The following VMP1 variants were observed in gnomAD, a reference collection of about 807,000 sequenced individuals.
VMP1 encodes vacuole membrane protein 1, also known as ectopic P-granules autophagy protein 3 homolog.
A neutral mutation model predicts 56.0 loss-of-function variants in VMP1; 11 were observed. The ratio of observed to expected loss-of-function variants is 0.20; its 90% confidence interval spans 0.12 to 0.32. The LOEUF is 0.32. Ranked by LOEUF, VMP1 falls within the 10% of genes least tolerant of loss-of-function variation. The probability of loss-of-function intolerance (pLI) is 1.00; values close to 1 mark genes in which losing one functional copy is unlikely to be tolerated. For missense variants in VMP1, 296 were observed against 490.3 expected (o/e 0.60, Z 3.74); for synonymous variants, 149 against 165.0 (o/e 0.90, Z 0.74).
chr17:59,765,300 C>G (rs562600887), intron 6 of VMP1, among the ~76,000 whole-genome samples, 162 bp downstream of exon 6: 4 of 152,330 alleles, frequency 2.6e-5, no homozygotes, highest in African/African-American at 9.6e-5. Context: ...AGAGCATCTC[C>G]TATTCATGAA....
rs2036183901 is a variant in VMP1 at position 59,765,049 on chromosome 17, C to G, written c.493C>G (p.Gln165Glu). 6.2e-7 allele frequency: 1 copy of G among 1,614,094 alleles called. No individual in the cohort carries two copies. The highest frequency in any genetic ancestry group is 8.5e-7 in the Non-Finnish European group (1 of 1,180,006). The change falls in exon 6 of 12, where the codon CAG becomes GAG. Residue 165 changes from glutamine to glutamate, a missense_variant. This residue lies in a region of VMP1 where 126 missense variants were observed against 231.6 expected (regional missense o/e 0.54). Coordinates refer to ENST00000262291, the MANE Select transcript of VMP1 (RefSeq NM_030938.5). ...TTTTCCCGAACCACCCTATCCTGATCAGATTATTTGTCCAGATGAAGAGGG... is the reference window on the plus strand; with the variant it reads ...TTTTCCCGAACCACCCTATCCTGATGAGATTATTTGTCCAGATGAAGAGGG... The part of the protein sequence containing the change: ...VNFPEPPYPD[Q>E]IICPDEEGTE...
intron 7 of VMP1, among the ~76,000 whole-genome samples, chr17:59,806,695 A>T (rs1315666260): frequency 6.7e-6 from 1 of 148,592 alleles, no homozygotes; most frequent in East Asian, 1.9e-4. Flanking sequence ...AACCTAGGCA[A>T]CAAGAGTGAA....
chr17:59,838,598 C>T (rs1200331816), intron 11 of VMP1: 3 of 567,268 alleles, frequency 5.3e-6, no homozygotes, highest in Admixed American at 6.2e-5. Context: ...TACATCTTCT[C>T]CTAAAAACAA....
intron 1 of VMP1, among the ~76,000 whole-genome samples, chr17:59,723,395 C>T (rs192172681): frequency 9.9e-4 from 150 of 151,982 alleles, no homozygotes; most frequent in African/African-American, 3.5e-3. Flanking sequence ...CAGGGGGAGC[C>T]GTCAGAGAAA....
intron 9 of VMP1, among the ~76,000 whole-genome samples, chr17:59,815,220 G>A (rs929139533): frequency 1.3e-5 from 2 of 152,012 alleles, no homozygotes; most frequent in Admixed American, 1.3e-4. Flanking sequence ...GTCTGTAGAA[G>A]TATCCTTAGA....
intron 5 of VMP1, among the ~76,000 whole-genome samples, chr17:59,754,417 G>A (rs1229153465): frequency 6.6e-6 from 1 of 152,178 alleles, no homozygotes; most frequent in Admixed American, 6.5e-5. Context: ...AAATAAAATA[G>A]TGAAATAGTT....
At chr17:59,819,955 G>A (rs2038381913) in intron 10 of VMP1, among the ~76,000 whole-genome samples, 1 of 152,218 alleles carries the variant, frequency 6.6e-6, no homozygotes, top group Admixed American at 6.5e-5. Context: ...GAGTTTCTAG[G>A]AAGTTACATT....
intron 10 of VMP1, among the ~76,000 whole-genome samples, chr17:59,821,265 T>G (rs963638798): frequency 4.6e-5 from 7 of 152,054 alleles, no homozygotes; most frequent in Non-Finnish European, 7.4e-5. Flanking sequence ...CCACTGCACC[T>G]GACCTATCTT....
At position 59,794,995 on chromosome 17, in the gene VMP1, C is replaced by CTTTTTTTTT. The variant is rs59397471; in HGVS notation, c.715-13790_715-13782dup. ...GTTGGCACTAAAAGGCAGATTTGAT[C>CTTTTTTTTT]TTTTTTTTTTTTTTTTTTTGAGACG... On this transcript the variant is annotated intron_variant, in intron 7 of 11. Coordinates refer to ENST00000262291, the MANE Select transcript of VMP1 (RefSeq NM_030938.5). Among the ~76,000 whole-genome samples, 10 of 121,216 alleles carry CTTTTTTTTT rather than the reference C, an allele frequency of 8.2e-5. 1 individual carries two copies. The highest frequency in any genetic ancestry group is 1.5e-4 in the Non-Finnish European group (9 of 60,698). 79.5% of individuals were successfully genotyped at this position (121,216 alleles called of 152,430 possible). A position where few individuals can be genotyped will look rare whatever the true frequency, so the allele number is the denominator to read the frequency against.
chr17:59,783,876 A>C (rs896013725), intron 7 of VMP1, among the ~76,000 whole-genome samples: 12 of 152,176 alleles, frequency 7.9e-5, no homozygotes, highest in Non-Finnish European at 1.3e-4. Context: ...AGTAACAAAA[A>C]TAATTTTCTG....
intron 7 of VMP1, among the ~76,000 whole-genome samples, chr17:59,806,036 A>G (rs1007069912): frequency 8.5e-5 from 13 of 152,172 alleles, no homozygotes; most frequent in Non-Finnish European, 4.4e-5. Context: ...TTAAAATTTC[A>G]TAACTAGTTT....
In VMP1 at chr17:59,794,337, A is replaced by G. The variant is rs191658569; in HGVS notation, c.715-14459A>G. 6.3e-5 allele frequency among the ~76,000 whole-genome samples: 9 copies of G among 143,386 alleles called. No homozygotes were observed. The East Asian group carries it at 1.9e-3, about 30-fold the overall frequency. The allele number at this position is 143,386 out of a possible 152,430, so 94.1% of individuals were successfully genotyped here. A position where few individuals can be genotyped will look rare whatever the true frequency, so the allele number is the denominator to read the frequency against. On this transcript the variant is annotated intron_variant, in intron 7 of 11. Coordinates refer to ENST00000262291, the MANE Select transcript of VMP1 (RefSeq NM_030938.5). Reference sequence around the variant, plus strand: ...TCCCGGGTTCAAGCAGTTCTGCCTTAGCCTCGTGAGTAGCTGGGATTACAA... The same window carrying G: ...TCCCGGGTTCAAGCAGTTCTGCCTTGGCCTCGTGAGTAGCTGGGATTACAA...
At chr17:59,758,772 A>C (rs946374650) in intron 5 of VMP1, among the ~76,000 whole-genome samples, 1 of 151,970 alleles carries the variant, frequency 6.6e-6, no homozygotes, top group African/African-American at 2.4e-5. Context: ...TTTAAGCAAC[A>C]CAGGGAGACC....
chr17:59,791,876 G>A (rs1305848251), intron 7 of VMP1, among the ~76,000 whole-genome samples: 1 of 152,152 alleles, frequency 6.6e-6, no homozygotes, highest in African/African-American at 2.4e-5. Context: ...TCAGTTTACT[G>A]TCATGAATTT....
rs552103078 is a variant in VMP1 at position 59,793,612 on chromosome 17, A to G, written c.715-15184A>G. ...TTTGTGCGTGTGTGCACGCGTGCGCATGTGTGTGTGTGTTTATTTATTTAT... is the reference window on the plus strand; with the variant it reads ...TTTGTGCGTGTGTGCACGCGTGCGCGTGTGTGTGTGTGTTTATTTATTTAT... On this transcript the variant is annotated intron_variant, in intron 7 of 11. Transcript: ENST00000262291. Among the ~76,000 whole-genome samples, 10 of 114,746 alleles carry G rather than the reference A, an allele frequency of 8.7e-5. 4 individuals are homozygous for G. Among genetic ancestry groups the G allele is most frequent in the Non-Finnish European group, 2.2e-4 (10 of 46,274 alleles). The allele number at this position is 114,746 out of a possible 152,430, so 75.3% of individuals were successfully genotyped here.
intron 10 of VMP1, among the ~76,000 whole-genome samples, chr17:59,832,853 T>C (rs181290105): frequency 6.6e-6 from 1 of 150,658 alleles, no homozygotes; most frequent in East Asian, 2.0e-4. Flanking sequence ...TCAGGTGATC[T>C]GCCCACCTCG....
intron 1 of VMP1, among the ~76,000 whole-genome samples, chr17:59,709,135 A>G (rs1377308343): frequency 1.3e-5 from 2 of 152,188 alleles, no homozygotes; most frequent in African/African-American, 4.8e-5. Context: ...GAGTTTGAAA[A>G]TTTGTTCACG....
intron 7 of VMP1, among the ~76,000 whole-genome samples, chr17:59,774,721 C>CA (rs1191957451): frequency 6.6e-6 from 1 of 152,062 alleles, no homozygotes; most frequent in African/African-American, 2.4e-5. Flanking sequence ...CTCACTCTGT[C>CA]ACTCAGGCTG....
chr17:59,734,552 G>C (rs2143816731), intron 2 of VMP1, among the ~76,000 whole-genome samples: 1 of 152,280 alleles, frequency 6.6e-6, no homozygotes, highest in Non-Finnish European at 1.5e-5. Context: ...AGGCAACGTA[G>C]TGAGACTGTG....
Sources: allele counts gnomAD v4.1 joint callset (sites outside exome capture counted in the v4.1 genomes callset), GRCh38; gene constraint gnomAD v4.1.1; regional missense constraint gnomAD v4.1.1; transcripts MANE v1.5; gene names NCBI Gene and HGNC (gene_info 2026-07-23, HGNC 2026-07-21).